DCAF6: variants seen among roughly 807,000 people sequenced by gnomAD.
DCAF6 encodes the protein DDB1- and CUL4-associated factor 6.
A neutral mutation model predicts 125.1 loss-of-function variants in DCAF6; 54 were observed. That is an observed-to-expected ratio of 0.43 (90% confidence interval 0.35 to 0.54). The LOEUF (loss-of-function observed/expected upper bound fraction) is 0.54, where lower values mean the gene tolerates loss of function less well. DCAF6 is among the 20% of genes least tolerant of loss of function. The pLI, the probability that DCAF6 is intolerant of heterozygous loss-of-function variation, is 0.01. For synonymous variants in DCAF6, 371 were observed against 390.4 expected (o/e 0.95, Z 0.58); for missense variants, 934 against 1,161.7 (o/e 0.80, Z 2.85).
chr1:168,027,455 A>G (rs561679138), intron 12 of DCAF6, among the ~76,000 whole-genome samples: 1 of 152,142 alleles, frequency 6.6e-6, no homozygotes, highest in Non-Finnish European at 1.5e-5. Context: ...AGTACATTTA[A>G]TAAGTTTCCT....
chr1:167,953,142 T>C (rs1483696613), intron 2 of DCAF6, among the ~76,000 whole-genome samples: 1 of 152,136 alleles, frequency 6.6e-6, no homozygotes, highest in Non-Finnish European at 1.5e-5. Context: ...AGTCCATATT[T>C]TCTTTGTTTT....
intron 9 of DCAF6, among the ~76,000 whole-genome samples, chr1:168,004,245 C>G (rs1571895928): frequency 1.3e-5 from 2 of 151,792 alleles, no homozygotes; most frequent in Non-Finnish European, 2.9e-5. Context: ...CTATTTTAAG[C>G]CTTTTTTTAA....
the DCAF6 span, among the ~76,000 whole-genome samples, chr1:167,930,335 CA>C: frequency 6.6e-6 from 1 of 152,126 alleles, no homozygotes; most frequent in Admixed American, 6.5e-5. Flanking sequence ...TCTTCAGGTA[CA>C]AAGAATCAGT....
the DCAF6 span, among the ~76,000 whole-genome samples, chr1:167,919,294 C>A: frequency 2.6e-5 from 4 of 152,260 alleles, no homozygotes; most frequent in East Asian, 7.7e-4. Flanking sequence ...TTCTACCATA[C>A]CTTGGGCTTC....
At chr1:167,993,162 G>A in intron 6 of DCAF6, 64 bp from the exon 7 acceptor site, 3 of 1,379,936 alleles carry the variant, frequency 2.2e-6, no homozygotes, top group Non-Finnish European at 3.0e-6. Context: ...CAGATTAAGA[G>A]TTTTAAAAAA....
chr1:167,880,505 T>C, the DCAF6 span: 1 of 1,613,814 alleles, frequency 6.2e-7, no homozygotes, highest in Non-Finnish European at 8.5e-7. Context: ...TTTTGTGGAC[T>C]TGAGAGCAGA....
At chr1:167,899,398 C>G in the DCAF6 span, 1 of 1,612,812 alleles carries the variant, frequency 6.2e-7, no homozygotes, top group South Asian at 1.1e-5. Flanking sequence ...GCAGAACTTT[C>G]TGTAAGTAGC....
the DCAF6 span, among the ~76,000 whole-genome samples, chr1:167,873,223 G>A: frequency 9.2e-5 from 14 of 152,180 alleles, no homozygotes; most frequent in Non-Finnish European, 1.9e-4. Flanking sequence ...TGAGGAGGGT[G>A]AGAGTGGGTA....
At chr1:167,993,789 A>G (rs978948373) in intron 7 of DCAF6, among the ~76,000 whole-genome samples, 10 of 151,694 alleles carry the variant, frequency 6.6e-5, no homozygotes, top group African/African-American at 2.2e-4. Context: ...CAAAAACCCC[A>G]TGTCCTTTAT....
intron 16 of DCAF6, 77 bp from the exon 17 acceptor site, chr1:168,050,815 G>A: frequency 1.3e-6 from 1 of 773,182 alleles, no homozygotes; most frequent in Non-Finnish European, 1.8e-6. Context: ...TGATAAAAAG[G>A]GTGTCCTTAA....
chr1:167,864,845 C>A, the DCAF6 span, among the ~76,000 whole-genome samples: 1 of 149,136 alleles, frequency 6.7e-6, no homozygotes, highest in Non-Finnish European at 1.5e-5. Context: ...CAGTAACCCA[C>A]GGATGGCCCA....
upstream of DCAF6, among the ~76,000 whole-genome samples, chr1:167,930,894 T>C (rs1670887809): frequency 6.6e-6 from 1 of 152,242 alleles, no homozygotes. Flanking sequence ...AAAGTTAGTT[T>C]AAAAGCAGGA....
the DCAF6 span, chr1:167,920,729 G>A: frequency 2.6e-6 from 3 of 1,162,274 alleles, no homozygotes; most frequent in Non-Finnish European, 3.5e-6. Context: ...ATTTCCGTAA[G>A]TTAGCAGCTA....
intron 16 of DCAF6, among the ~76,000 whole-genome samples, chr1:168,050,314 C>T (rs1205021953): frequency 6.6e-6 from 1 of 152,108 alleles, no homozygotes; most frequent in African/African-American, 2.4e-5. Context: ...GTAAATTTGG[C>T]AGCATTTATT....
the DCAF6 span, among the ~76,000 whole-genome samples, chr1:167,871,229 C>T: frequency 3.9e-5 from 6 of 152,144 alleles, no homozygotes; most frequent in South Asian, 1.2e-3. Flanking sequence ...AATTTGCCCT[C>T]TGTAAATGAA....
chr1:167,930,466 C>T, the DCAF6 span, among the ~76,000 whole-genome samples: 1 of 152,128 alleles, frequency 6.6e-6, no homozygotes, highest in African/African-American at 2.4e-5. Context: ...GGATAAAAAA[C>T]TAGATCCCTA....
chr1:167,967,525 A>C (rs772848453), intron 3 of DCAF6, among the ~76,000 whole-genome samples: 1 of 152,192 alleles, frequency 6.6e-6, no homozygotes, highest in Non-Finnish European at 1.5e-5. Context: ...TACACTTGAC[A>C]TAACAGTTAA....
At chr1:167,918,520 A>C in the DCAF6 span, among the ~76,000 whole-genome samples, 7 of 152,164 alleles carry the variant, frequency 4.6e-5, no homozygotes, top group Non-Finnish European at 8.8e-5. Context: ...AGAAACAGGC[A>C]GAAAGGAAAG....
At chr1:167,976,977 C>T (rs1678331592) in intron 4 of DCAF6, among the ~76,000 whole-genome samples, 1 of 138,366 alleles carries the variant, frequency 7.2e-6, no homozygotes, top group African/African-American at 2.6e-5. Flanking sequence ...GATCTTGGCT[C>T]ACCACAACCT....
Sources: allele counts gnomAD v4.1 joint callset (sites outside exome capture counted in the v4.1 genomes callset), GRCh38; gene constraint gnomAD v4.1.1; transcripts MANE v1.5; gene names NCBI Gene and HGNC (gene_info 2026-07-23, HGNC 2026-07-21).